The following CNTNAP2 variants were observed in gnomAD, a reference collection of about 807,000 sequenced individuals.
CNTNAP2 encodes the protein contactin associated protein 2, also known as contactin-associated protein-like 2.
A neutral mutation model predicts 155.2 loss-of-function variants in CNTNAP2; 98 were observed. That is an observed-to-expected ratio of 0.63 (90% CI 0.54 to 0.75). CNTNAP2 has a LOEUF of 0.75. Ranked by LOEUF, CNTNAP2 falls within the 30% of genes least tolerant of loss-of-function variation. The pLI is 0.00. For missense variants in CNTNAP2, 1,727 were observed against 1,688.1 expected (o/e 1.02, Z -0.40); for synonymous variants, 651 against 631.2 (o/e 1.03, Z -0.47).
chr7:147,500,134 C>G (rs1215498233), intron 11 of CNTNAP2, among the ~76,000 whole-genome samples: 1 of 144,460 alleles, frequency 6.9e-6, no homozygotes, highest in Non-Finnish European at 1.5e-5. Flanking sequence ...TCATTAATGC[C>G]TCTTTGGAAA....
At chr7:147,411,600 T>G (rs1208145523) in intron 10 of CNTNAP2, among the ~76,000 whole-genome samples, 1 of 152,200 alleles carries the variant, frequency 6.6e-6, no homozygotes, top group African/African-American at 2.4e-5. Flanking sequence ...ATTTTCCCAG[T>G]GATTAAGATT....
intron 1 of CNTNAP2, among the ~76,000 whole-genome samples, chr7:146,268,404 A>G (rs1461682882): frequency 6.6e-6 from 1 of 152,188 alleles, no homozygotes; most frequent in African/African-American, 2.4e-5. Context: ...TTAACTAACC[A>G]ATTGGAGGTG....
intron 18 of CNTNAP2, among the ~76,000 whole-genome samples, chr7:148,201,444 T>G (rs1396165375): frequency 6.6e-6 from 1 of 152,224 alleles, no homozygotes. Flanking sequence ...GCCTTGAAAT[T>G]TATAATTTAG....
chr7:148,018,257 G>T (rs1051860906), intron 15 of CNTNAP2, among the ~76,000 whole-genome samples: 3 of 152,172 alleles, frequency 2.0e-5, no homozygotes, highest in African/African-American at 4.8e-5. Context: ...TTCATCCCAG[G>T]TGGTTTATGG....
intron 14 of CNTNAP2, among the ~76,000 whole-genome samples, chr7:147,972,259 C>T (rs1002280016): frequency 1.3e-5 from 2 of 152,074 alleles, no homozygotes; most frequent in African/African-American, 4.8e-5. Flanking sequence ...GCAGAGTAAA[C>T]ATTTTTTAAG....
chr7:147,425,852 A>G lies in CNTNAP2; in HGVS notation c.1670+30072A>G, dbSNP rs115296464. Among the ~76,000 whole-genome samples the G allele has an allele frequency of 7.3e-3, 1,111 of 152,286 alleles. 16 individuals carry two copies. Among genetic ancestry groups the G allele is most frequent in the African/African-American group, 0.025 (1,034 of 41,564 alleles). ...ATTCTCAGTTTAACACGGTATTTCCATCTGAAGCTTCTGATGCATACTTCA... is the reference window on the plus strand; with the variant it reads ...ATTCTCAGTTTAACACGGTATTTCCGTCTGAAGCTTCTGATGCATACTTCA... On this transcript the variant is annotated intron_variant, in intron 10 of 23. Coordinates refer to ENST00000361727, the MANE Select transcript of CNTNAP2 (RefSeq NM_014141.6).
At chr7:148,172,592 T>C in intron 18 of CNTNAP2, 114 bp downstream of exon 18, 1 of 973,920 alleles carries the variant, frequency 1.0e-6, no homozygotes, top group Non-Finnish European at 1.6e-6. Context: ...GTTAAGATGA[T>C]CAGAATTTTT....
intron 2 of CNTNAP2, among the ~76,000 whole-genome samples, chr7:146,780,957 G>A (rs897569756): frequency 3.3e-5 from 5 of 151,828 alleles, no homozygotes; most frequent in South Asian, 2.1e-4. Flanking sequence ...GGCCGGGCGC[G>A]GTGGCTCACG....
intron 1 of CNTNAP2, among the ~76,000 whole-genome samples, chr7:146,303,072 ATGTGTGTGTGTGTGTGTG>A (rs60828609): frequency 7.3e-6 from 1 of 136,380 alleles, no homozygotes; most frequent in Non-Finnish European, 1.6e-5. Context: ...CTTTGTGTGC[ATGTGTGTGTGTGTGTGTG>A]TGTGTGTGTG....
intron 8 of CNTNAP2, among the ~76,000 whole-genome samples, chr7:147,224,194 A>T (rs996778371): frequency 6.6e-6 from 1 of 152,124 alleles, no homozygotes; most frequent in African/African-American, 2.4e-5. Flanking sequence ...TTGGTTTTTC[A>T]ATTTGCTCTG....
chr7:146,990,729 G>C lies in CNTNAP2; in HGVS notation c.403-53178G>C, dbSNP rs1365234198. 5.3e-5 allele frequency among the ~76,000 whole-genome samples: 8 copies of C among 152,170 alleles called. No individual in the cohort carries two copies. In the East Asian group the frequency reaches 1.5e-3, roughly 29 times the overall value. Reference sequence around the variant, plus strand: ...TATTTTTAGAAGTTGTTTGGGTTTTGATTGACACATGTTTTGTGGTCTGTG... The same window carrying C: ...TATTTTTAGAAGTTGTTTGGGTTTTCATTGACACATGTTTTGTGGTCTGTG... On this transcript the variant is annotated intron_variant, in intron 3 of 23. Coordinates refer to ENST00000361727, the MANE Select transcript of CNTNAP2 (RefSeq NM_014141.6).
chr7:148,379,779 C>T (rs1262915729), intron 21 of CNTNAP2, among the ~76,000 whole-genome samples: 1 of 152,116 alleles, frequency 6.6e-6, no homozygotes, highest in Admixed American at 6.5e-5. Flanking sequence ...AAAAGGAGCT[C>T]AAGCATGTAC....
chr7:147,377,750 C>T (rs562720535), intron 9 of CNTNAP2, among the ~76,000 whole-genome samples: 38 of 151,832 alleles, frequency 2.5e-4, no homozygotes, highest in African/African-American at 8.9e-4. Context: ...CTACTAAATT[C>T]TACCTTTTGT....
chr7:146,657,133 G>A (rs1334013517), intron 1 of CNTNAP2, among the ~76,000 whole-genome samples: 1 of 152,104 alleles, frequency 6.6e-6, no homozygotes, highest in Non-Finnish European at 1.5e-5. Flanking sequence ...GATCCTCACA[G>A]CCTCACATAT....
intron 15 of CNTNAP2, among the ~76,000 whole-genome samples, chr7:148,042,951 T>C (rs2116481444): frequency 6.6e-6 from 1 of 152,370 alleles, no homozygotes; most frequent in African/African-American, 2.4e-5. Context: ...CATATTGCTG[T>C]TCATATGCCA....
In CNTNAP2 at chr7:148,411,766, A is replaced by T. The variant is rs2116720257; in HGVS notation, c.3796+2295A>T. Among the ~76,000 whole-genome samples, 3 of 144,694 alleles carry T rather than the reference A, an allele frequency of 2.1e-5. No homozygotes were observed. In the South Asian group the frequency reaches 6.8e-4, roughly 33 times the overall value. 94.9% of individuals were successfully genotyped at this position (144,694 alleles called of 152,430 possible). A position where few individuals can be genotyped will look rare whatever the true frequency, so the allele number is the denominator to read the frequency against. ...GTATTTTCCAAATGAATATCTAGTC[A>T]TTCCAAGACCATTTGTTGAAAAAAA... On this transcript the variant is annotated intron_variant, in intron 23 of 23. Transcript: ENST00000361727.
intron 13 of CNTNAP2, among the ~76,000 whole-genome samples, chr7:147,784,122 CA>C (rs1231922091): frequency 2.0e-5 from 3 of 151,812 alleles, no homozygotes; most frequent in African/African-American, 7.3e-5. Context: ...TCTCTGGGTC[CA>C]GATATCCCCT....
At chr7:147,501,002 A>C (rs924069344) in intron 11 of CNTNAP2, among the ~76,000 whole-genome samples, 1 of 152,234 alleles carries the variant, frequency 6.6e-6, no homozygotes, top group Non-Finnish European at 1.5e-5. Context: ...CAGCAAACCA[A>C]GTTCTACAGC....
intron 9 of CNTNAP2, among the ~76,000 whole-genome samples, chr7:147,341,894 A>G (rs1398471202): frequency 6.6e-6 from 1 of 152,180 alleles, no homozygotes; most frequent in African/African-American, 2.4e-5. Context: ...ATACATTAAG[A>G]ACTGTCTTAA....
Sources: gnomAD v4.1 joint callset for allele counts (sites outside exome capture counted in the v4.1 genomes callset) on GRCh38, gnomAD v4.1.1 for gene constraint, MANE v1.5 for transcripts, NCBI Gene and HGNC (gene_info 2026-07-23, HGNC 2026-07-21) for gene names.